Variants in CSMD1 observed in about 807,000 individuals in gnomAD.
The protein encoded by CSMD1 is CUB and Sushi multiple domains 1.
In CSMD1, 213 loss-of-function variants were observed where a neutral mutation model predicts 417.5. The ratio of observed to expected loss-of-function variants is 0.51; its 90% CI spans 0.46 to 0.57. The LOEUF (loss-of-function observed/expected upper bound fraction) is 0.57, where lower values mean the gene tolerates loss of function less well. Among genes scored for constraint, CSMD1 ranks in the 20% least tolerant of loss-of-function variants. The pLI is 0.00. For synonymous variants in CSMD1, 2,862 were observed against 1,736.8 expected, an observed-to-expected ratio of 1.65 and a Z score of -16.11; for missense variants, 6,923 against 4,529.7, an observed-to-expected ratio of 1.53 and a Z score of -15.17.
chr8:4,665,528 G>A (rs565670092), intron 1 of CSMD1, among the ~76,000 whole-genome samples: 1 of 152,172 alleles, frequency 6.6e-6, no homozygotes, highest in Non-Finnish European at 1.5e-5. Flanking sequence ...CTCTCCCCCA[G>A]AGGGTGGCAG....
At chr8:3,441,274 T>G (rs1013976572) in intron 12 of CSMD1, among the ~76,000 whole-genome samples, 2 of 152,056 alleles carry the variant, frequency 1.3e-5, no homozygotes, top group Non-Finnish European at 2.9e-5. Context: ...GAGACTGAAT[T>G]TGTATTGTTT....
intron 3 of CSMD1, among the ~76,000 whole-genome samples, chr8:4,236,180 C>A (rs1563316909): frequency 6.6e-6 from 1 of 151,878 alleles, no homozygotes; most frequent in East Asian, 1.9e-4. Context: ...TGAAATGCCA[C>A]GGACAACACA....
intron 4 of CSMD1, among the ~76,000 whole-genome samples, chr8:4,008,346 T>A (rs1753422280): frequency 6.6e-6 from 1 of 151,954 alleles, no homozygotes; most frequent in African/African-American, 2.4e-5. Context: ...GGAAGCTCCT[T>A]TTATTCCATG....
At chr8:3,744,704 G>C (rs926167871) in intron 6 of CSMD1, among the ~76,000 whole-genome samples, 1 of 152,202 alleles carries the variant, frequency 6.6e-6, no homozygotes, top group Admixed American at 6.5e-5. Context: ...ATGAAACGTT[G>C]TCTGGGCTAT....
At chr8:4,924,685 G>A (rs1221143349) in intron 1 of CSMD1, among the ~76,000 whole-genome samples, 1 of 113,874 alleles carries the variant, frequency 8.8e-6, no homozygotes, top group Admixed American at 1.4e-4. Flanking sequence ...TCGCACCATT[G>A]CACTCTAGCC....
At chr8:4,849,052 T>C (rs1585207759) in intron 1 of CSMD1, among the ~76,000 whole-genome samples, 1 of 152,236 alleles carries the variant, frequency 6.6e-6, no homozygotes, top group Non-Finnish European at 1.5e-5. Context: ...TTATAGTCCC[T>C]GAAGACCTTC....
chr8:4,470,832 C>A (rs187266578), intron 2 of CSMD1, among the ~76,000 whole-genome samples: 18 of 152,128 alleles, frequency 1.2e-4, no homozygotes, highest in African/African-American at 4.1e-4. Flanking sequence ...TCGATGTTGT[C>A]TCTGGGCTTC....
At chr8:3,261,206 T>C (rs1432878260) in intron 26 of CSMD1, among the ~76,000 whole-genome samples, 1 of 152,238 alleles carries the variant, frequency 6.6e-6, no homozygotes, top group Non-Finnish European at 1.5e-5. Flanking sequence ...TTATATCGTC[T>C]GTAAAATATC....
At chr8:4,637,897 C>T (rs555336783) in intron 1 of CSMD1, among the ~76,000 whole-genome samples, 1 of 152,008 alleles carries the variant, frequency 6.6e-6, no homozygotes, top group African/African-American at 2.4e-5. Flanking sequence ...GTCTCGATCT[C>T]CTGACCTCAT....
At chr8:2,953,485 A>T (rs1475559131) in intron 65 of CSMD1, among the ~76,000 whole-genome samples, 1 of 151,944 alleles carries the variant, frequency 6.6e-6, no homozygotes, top group African/African-American at 2.4e-5. Context: ...TAAAACCTGA[A>T]TAAAGAAAGT....
intron 3 of CSMD1, among the ~76,000 whole-genome samples, chr8:4,127,453 GAAAAAA>G (rs199764792): frequency 0.31 from 31,183 of 101,448 alleles, 2,726 homozygotes; most frequent in Admixed American, 0.34. Flanking sequence ...AAGCATTAAT[GAAAAAA>G]AAAAAAAAAA....
chr8:3,109,957 G>C (rs371232511), intron 43 of CSMD1, among the ~76,000 whole-genome samples: 30 of 151,700 alleles, frequency 2.0e-4, no homozygotes, highest in African/African-American at 7.0e-4. Context: ...ACATAATTCT[G>C]CCTATTTCTA....
intron 3 of CSMD1, among the ~76,000 whole-genome samples, chr8:4,174,473 G>A (rs911169924): frequency 6.6e-5 from 10 of 151,504 alleles, no homozygotes; most frequent in African/African-American, 2.2e-4. Flanking sequence ...AATAGGTTTG[G>A]AAGGTTATTA....
chr8:4,091,537 C>CA (rs1432655339), intron 3 of CSMD1, among the ~76,000 whole-genome samples: 1 of 152,144 alleles, frequency 6.6e-6, no homozygotes, highest in African/African-American at 2.4e-5. Flanking sequence ...AGCTGGCACT[C>CA]AGCAATGCAA....
At chr8:4,742,145 C>G (rs954697837) in intron 1 of CSMD1, among the ~76,000 whole-genome samples, 9 of 150,432 alleles carry the variant, frequency 6.0e-5, no homozygotes, top group Non-Finnish European at 1.2e-4. Context: ...ATTCTCCTGC[C>G]TCAGCCTCCC....
intron 5 of CSMD1, among the ~76,000 whole-genome samples, chr8:3,890,236 T>A (rs1806868362): frequency 1.3e-5 from 2 of 152,206 alleles, no homozygotes; most frequent in Admixed American, 6.6e-5. Flanking sequence ...TAAGAAATAT[T>A]CTTGTTGTTC....
chr8:4,591,853 G>C (rs28733888), intron 2 of CSMD1, among the ~76,000 whole-genome samples: 2,502 of 152,252 alleles, frequency 0.016, 71 homozygotes, highest in African/African-American at 0.056. Flanking sequence ...CAAGGCAGAG[G>C]GGAGAAAGTA....
chr8:3,796,092 T>TG (rs1800087277), intron 5 of CSMD1, among the ~76,000 whole-genome samples: 3 of 26,484 alleles, frequency 1.1e-4, no homozygotes, highest in Non-Finnish European at 1.6e-4. Flanking sequence ...TATATATCTA[T>TG]CATAGATATA....
chr8:4,073,816 G>C (rs922337571), intron 3 of CSMD1, among the ~76,000 whole-genome samples: 1 of 151,992 alleles, frequency 6.6e-6, no homozygotes, highest in Non-Finnish European at 1.5e-5. Context: ...TTATTAATTG[G>C]TTGAAAATTG....
Sources: gnomAD v4.1 joint callset for allele counts (sites outside exome capture counted in the v4.1 genomes callset) on GRCh38, gnomAD v4.1.1 for gene constraint, MANE v1.5 for transcripts, NCBI Gene and HGNC (gene_info 2026-07-23, HGNC 2026-07-21) for gene names.